The following CHIC2 variants were observed in gnomAD, a reference collection of about 807,000 sequenced individuals.
CHIC2 encodes the protein cysteine-rich hydrophobic domain-containing protein 2.
In CHIC2, 14 loss-of-function variants were observed where a neutral mutation model predicts 25.9. That is an observed-to-expected ratio of 0.54 (90% CI 0.36 to 0.85). The LOEUF is 0.85. Ranked by LOEUF, CHIC2 falls within the 40% of genes least tolerant of loss-of-function variation. The pLI, the probability that CHIC2 is intolerant of heterozygous loss-of-function variation, is 0.01. For synonymous variants in CHIC2, 70 were observed against 72.0 expected (o/e 0.97, Z 0.14); for missense variants, 146 against 202.0 (o/e 0.72, Z 1.68).
At chr4:54,014,014 T>C (rs1715668623) in intron 4 of CHIC2, 49 bp downstream of exon 4, 3 of 1,602,486 alleles carry the variant, frequency 1.9e-6, no homozygotes, top group South Asian at 1.1e-5. Flanking sequence ...GTTTCCATAC[T>C]GTGCAATTCA....
intron 3 of CHIC2, among the ~76,000 whole-genome samples, chr4:54,021,783 A>G (rs1715907296): frequency 6.6e-6 from 1 of 152,118 alleles, no homozygotes; most frequent in Non-Finnish European, 1.5e-5. Context: ...CAGGGGCCAG[A>G]AGGCTGTCTT....
At chr4:54,073,483 C>G in the CHIC2 span, among the ~76,000 whole-genome samples, 1 of 152,222 alleles carries the variant, frequency 6.6e-6, no homozygotes, top group Admixed American at 6.5e-5. Flanking sequence ...AAGCCACTCA[C>G]CATGTCATGA....
At chr4:54,030,988 TC>T (rs1271502042) in intron 3 of CHIC2, among the ~76,000 whole-genome samples, 1 of 151,926 alleles carries the variant, frequency 6.6e-6, no homozygotes, top group East Asian at 1.9e-4. Flanking sequence ...AAAGCAATTC[TC>T]CTGCCTCAGC....
At chr4:54,033,286 T>C (rs1716290354) in intron 3 of CHIC2, among the ~76,000 whole-genome samples, 1 of 152,244 alleles carries the variant, frequency 6.6e-6, no homozygotes, top group African/African-American at 2.4e-5. Flanking sequence ...TCTGCATTTT[T>C]CCTAATGGTT....
chr4:54,064,355 G>C lies in CHIC2; in HGVS notation c.-55C>G. 2 of 1,602,900 alleles carry C rather than the reference G, an allele frequency of 1.2e-6. No homozygotes were observed. The highest frequency in any genetic ancestry group is 2.2e-5 in the South Asian group (2 of 89,872). On this transcript the variant is annotated 5_prime_UTR_variant, in exon 1 of 6. Transcript: ENST00000263921. The surrounding 1 kb of genome is among the most constrained non-coding windows in gnomAD (Gnocchi z 4.2). ...GGCCTGACTCCCGGGGTTGGCGCCGGGGTACCGGCGGGCGAGGCGGCGGAG... is the reference window on the plus strand; with the variant it reads ...GGCCTGACTCCCGGGGTTGGCGCCGCGGTACCGGCGGGCGAGGCGGCGGAG...
intron 3 of CHIC2, among the ~76,000 whole-genome samples, chr4:54,039,355 TA>T (rs1716496178): frequency 6.6e-6 from 1 of 152,208 alleles, no homozygotes; most frequent in South Asian, 2.1e-4. Context: ...TTCAGAATTA[TA>T]TGAAGAACTC....
At chr4:54,074,009 T>G in the CHIC2 span, among the ~76,000 whole-genome samples, 1 of 151,938 alleles carries the variant, frequency 6.6e-6, no homozygotes, top group Non-Finnish European at 1.5e-5. Flanking sequence ...AATTCAAAAA[T>G]TAGCCGGGCA....
At chr4:54,027,105 CA>C (rs1174524927) in intron 3 of CHIC2, among the ~76,000 whole-genome samples, 2 of 152,048 alleles carry the variant, frequency 1.3e-5, no homozygotes, top group Non-Finnish European at 2.9e-5. Context: ...CGAAGAATTT[CA>C]AAAGAAAACT....
At chr4:54,027,357 A>AT (rs1716089638) in intron 3 of CHIC2, among the ~76,000 whole-genome samples, 1 of 152,174 alleles carries the variant, frequency 6.6e-6, no homozygotes, top group South Asian at 2.1e-4. Flanking sequence ...CAAAGTTTAC[A>AT]TTTTTATGAG....
At chr4:54,039,393 T>C (rs1211514139) in intron 3 of CHIC2, among the ~76,000 whole-genome samples, 1 of 152,114 alleles carries the variant, frequency 6.6e-6, no homozygotes, top group Non-Finnish European at 1.5e-5. Context: ...AATAACAATT[T>C]TTAAATAGGC....
intron 3 of CHIC2, 95 bp from the exon 4 acceptor site, chr4:54,014,214 A>T (rs1242857681): frequency 6.3e-6 from 6 of 947,666 alleles, no homozygotes; most frequent in African/African-American, 4.9e-5. Flanking sequence ...GAGGTATAAG[A>T]CAGTGACTGA....
intron 1 of CHIC2, among the ~76,000 whole-genome samples, chr4:54,058,567 C>T (rs954549490): frequency 6.6e-6 from 1 of 150,538 alleles, no homozygotes; most frequent in African/African-American, 2.4e-5. Context: ...CATACACACA[C>T]ACACACACAC....
At chr4:54,013,736 C>T in intron 5 of CHIC2, 101 bp downstream of exon 5, 1 of 1,198,538 alleles carries the variant, frequency 8.3e-7, no homozygotes, top group Non-Finnish European at 1.2e-6. Flanking sequence ...AGATTAAGCT[C>T]CTGACACCTT....
intron 3 of CHIC2, among the ~76,000 whole-genome samples, chr4:54,048,232 C>T (rs1032419394): frequency 9.9e-5 from 15 of 152,160 alleles, no homozygotes; most frequent in Non-Finnish European, 1.8e-4. Flanking sequence ...TCAAGTGATC[C>T]GCCCGCCTTG....
chr4:54,075,765 G>A, the CHIC2 span, among the ~76,000 whole-genome samples: 1 of 152,070 alleles, frequency 6.6e-6, no homozygotes, highest in Non-Finnish European at 1.5e-5. Context: ...TTTTGGCCAG[G>A]CTGGCCTTGA....
At chr4:54,075,582 CT>C in the CHIC2 span, among the ~76,000 whole-genome samples, 1 of 152,160 alleles carries the variant, frequency 6.6e-6, no homozygotes, top group African/African-American at 2.4e-5. Context: ...GAGACTGAGT[CT>C]CACTCTATTA....
At chr4:54,080,691 A>G in the CHIC2 span, among the ~76,000 whole-genome samples, 2 of 150,258 alleles carry the variant, frequency 1.3e-5, no homozygotes, top group East Asian at 2.0e-4. Flanking sequence ...GCTTGAACCC[A>G]GGAGGTGGAG....
chr4:54,084,983 C>CAAAAAAAAAAAAAAAAAAAAAA, the CHIC2 span, among the ~76,000 whole-genome samples: 39 of 106,736 alleles, frequency 3.7e-4, no homozygotes, highest in Admixed American at 5.4e-4. Flanking sequence ...AAAAAAAAAT[C>CAAAAAAAAAAAAAAAAAAAAAA]AAACAGGTAG....
chr4:54,019,451 G>T (rs1715833785), intron 3 of CHIC2, among the ~76,000 whole-genome samples: 1 of 152,086 alleles, frequency 6.6e-6, no homozygotes, highest in Non-Finnish European at 1.5e-5. Flanking sequence ...AAAATTTTGT[G>T]AATCAAAAAT....
Sources: gnomAD v4.1 joint callset for allele counts (sites outside exome capture counted in the v4.1 genomes callset) on GRCh38, gnomAD v4.1.1 for gene constraint, Gnocchi (gnomAD v3.1) non-coding constraint, MANE v1.5 for transcripts, NCBI Gene and HGNC (gene_info 2026-07-23, HGNC 2026-07-21) for gene names.